The following ARHGEF10 variants were observed in gnomAD, a reference collection of about 807,000 sequenced individuals.
ARHGEF10 encodes the protein Rho guanine nucleotide exchange factor (GEF) 10.
ARHGEF10 carries 140 observed loss-of-function variants against 147.4 expected under a neutral mutation model. That is an observed-to-expected ratio of 0.95 (90% confidence interval 0.83 to 1.09). The LOEUF is 1.09. Among genes scored for constraint, ARHGEF10 ranks in the 50% least tolerant of loss-of-function variants. The pLI is 0.00. For synonymous variants in ARHGEF10, 902 were observed against 695.8 expected (o/e 1.30, Z -4.67); for missense variants, 2,222 against 1,752.7 (o/e 1.27, Z -4.78).
chr8:1,892,319 GTGTGTGTGTT>G (rs1202176521), intron 11 of ARHGEF10, among the ~76,000 whole-genome samples: 13 of 148,744 alleles, frequency 8.7e-5, no homozygotes, highest in East Asian at 6.1e-4. Context: ...GTGTGTGTGT[GTGTGTGTGTT>G]TAATCCCAGC....
intron 25 of ARHGEF10, among the ~76,000 whole-genome samples, chr8:1,930,985 C>T (rs987955344): frequency 6.6e-6 from 1 of 152,264 alleles, no homozygotes; most frequent in Admixed American, 6.5e-5. Context: ...CCGGTCTGCA[C>T]CCCCTCTTCA....
intron 25 of ARHGEF10, among the ~76,000 whole-genome samples, chr8:1,930,743 A>T (rs1813064604): frequency 1.3e-5 from 2 of 152,182 alleles, no homozygotes; most frequent in African/African-American, 4.8e-5. Context: ...GACCTGCTCC[A>T]CGGGGACGGC....
At chr8:1,899,785 G>T (rs1293004636) in intron 15 of ARHGEF10, among the ~76,000 whole-genome samples, 1 of 152,224 alleles carries the variant, frequency 6.6e-6, no homozygotes, top group Non-Finnish European at 1.5e-5. Flanking sequence ...CGTGCGAGAC[G>T]CTGTTGGCTT....
chr8:1,824,342 G>C (rs1044613907), intron 1 of ARHGEF10, among the ~76,000 whole-genome samples: 1 of 151,968 alleles, frequency 6.6e-6, no homozygotes. Flanking sequence ...GGGCCTGGGC[G>C]GGGGGAGCAG....
chr8:1,950,987 G>A (rs1347932172), intron 27 of ARHGEF10, among the ~76,000 whole-genome samples: 2 of 152,146 alleles, frequency 1.3e-5, no homozygotes, highest in African/African-American at 2.4e-5. Context: ...ACGCAGGTGG[G>A]GCTTCTCCCC....
intron 1 of ARHGEF10, among the ~76,000 whole-genome samples, chr8:1,833,460 A>G (rs1803391339): frequency 6.6e-6 from 1 of 152,088 alleles, no homozygotes; most frequent in South Asian, 2.1e-4. Context: ...ACAGGGGCAG[A>G]GGCAGGGGCA....
At chr8:1,950,361 G>C (rs1230596747) in intron 27 of ARHGEF10, among the ~76,000 whole-genome samples, 1 of 152,174 alleles carries the variant, frequency 6.6e-6, no homozygotes, top group Non-Finnish European at 1.5e-5. Context: ...GTGGCCCTCA[G>C]CTTTCCCATG....
At chr8:1,906,784 G>A (rs545079915) in intron 17 of ARHGEF10, among the ~76,000 whole-genome samples, 173 of 152,362 alleles carry the variant, frequency 1.1e-3, no homozygotes, top group African/African-American at 3.8e-3. Context: ...ATCAAGGCGA[G>A]AACGTTCATT....
chr8:1,832,683 CAGAGACAG>C (rs1157031917), intron 1 of ARHGEF10, among the ~76,000 whole-genome samples: 1,207 of 24,158 alleles, frequency 0.05, 172 homozygotes, highest in Middle Eastern at 0.071. Flanking sequence ...GAGGCAGAGA[CAGAGACAG>C]AGAGACAGGC....
chr8:1,851,993 C>T (rs966753543), intron 2 of ARHGEF10, among the ~76,000 whole-genome samples: 1 of 151,988 alleles, frequency 6.6e-6, no homozygotes, highest in African/African-American at 2.4e-5. Flanking sequence ...GCAGAGGGGC[C>T]CTGTGGGTGT....
At position 1,855,918 on chromosome 8, in the gene ARHGEF10, C is replaced by CAA. The variant is rs200606477; in HGVS notation, c.38-2032_38-2031dup. ...ATAAACTGACTACTTAATGATATGG[C>CAA]AAAAAAAAAAACCCCTTCTGAAATA... is the stretch of plus-strand genomic sequence containing the variant. On this transcript the variant is annotated intron_variant, in intron 2 of 28. Coordinates refer to ENST00000349830, the MANE Select transcript of ARHGEF10 (RefSeq NM_014629.4). 9.6e-3 allele frequency among the ~76,000 whole-genome samples: 1,369 copies of CAA among 142,284 alleles called. 27 individuals carry two copies. The highest frequency in any genetic ancestry group is 0.034 in the African/African-American group (1,307 of 38,826). The allele number at this position is 142,284 out of a possible 152,430, so 93.3% of individuals were successfully genotyped here.
At chr8:1,932,882 C>G (rs1326502524) in intron 25 of ARHGEF10, among the ~76,000 whole-genome samples, 1 of 152,180 alleles carries the variant, frequency 6.6e-6, no homozygotes, top group Non-Finnish European at 1.5e-5. Flanking sequence ...AAGTCGACGG[C>G]ATTGATGGAT....
intron 26 of ARHGEF10, among the ~76,000 whole-genome samples, chr8:1,936,023 G>A (rs959008040): frequency 8.5e-5 from 13 of 152,206 alleles, no homozygotes; most frequent in Admixed American, 4.6e-4. Flanking sequence ...TGACATTCCT[G>A]AAATGATGAG....
intron 20 of ARHGEF10, 47 bp from the exon 21 acceptor site, chr8:1,923,727 A>T: frequency 6.2e-7 from 1 of 1,613,648 alleles, no homozygotes; most frequent in Non-Finnish European, 8.5e-7. Flanking sequence ...ACCTCACAGG[A>T]TGGAGCACGT....
chr8:1,934,764 A>G (rs757419434), intron 26 of ARHGEF10, among the ~76,000 whole-genome samples: 16 of 152,222 alleles, frequency 1.1e-4, no homozygotes, highest in Admixed American at 7.9e-4. Context: ...GAACAGTTTT[A>G]TTACTTTGCA....
chr8:1,866,315 A>T (rs962632326), intron 5 of ARHGEF10, among the ~76,000 whole-genome samples: 2 of 152,214 alleles, frequency 1.3e-5, no homozygotes, highest in Admixed American at 6.5e-5. Flanking sequence ...AACATCTGGA[A>T]TACTTATTTA....
chr8:1,933,992 C>T (rs1198719740), intron 26 of ARHGEF10, 50 bp downstream of exon 26: 1 of 1,612,854 alleles, frequency 6.2e-7, no homozygotes, highest in African/African-American at 1.3e-5. Context: ...ATTTCAGAAA[C>T]AGCTCAGCTG....
rs1031595222 is a variant in ARHGEF10 at position 1,957,995 on chromosome 8, A to G, written c.*732A>G. 1 of 152,274 alleles carries G rather than the reference A, an allele frequency of 6.6e-6. No individual in the cohort carries two copies. The highest frequency in any genetic ancestry group is 6.5e-5 in the Admixed American group (1 of 15,290). 9.4% of individuals were successfully genotyped at this position (152,274 alleles called of 1,614,324 possible). A position where few individuals can be genotyped will look rare whatever the true frequency, so the allele number is the denominator to read the frequency against. ...ACCAAAATGCTCAGTGCCTATCAAC[A>G]TTTGGACTCAAGCATCAACACCAAA... On this transcript the variant is annotated 3_prime_UTR_variant, in exon 29 of 29. Coordinates refer to ENST00000349830, the MANE Select transcript of ARHGEF10 (RefSeq NM_014629.4).
At chr8:1,954,558 G>A (rs551914243) in intron 28 of ARHGEF10, among the ~76,000 whole-genome samples, 5 of 152,130 alleles carry the variant, frequency 3.3e-5, no homozygotes, top group African/African-American at 4.8e-5. Context: ...TGTGCATAAC[G>A]CACAGTTTCA....
Sources: allele counts gnomAD v4.1 joint callset (sites outside exome capture counted in the v4.1 genomes callset), GRCh38; gene constraint gnomAD v4.1.1; transcripts MANE v1.5; gene names NCBI Gene and HGNC (gene_info 2026-07-23, HGNC 2026-07-21).